IL1RAPL2: variants seen among roughly 807,000 people sequenced by gnomAD.
IL1RAPL2 encodes X-linked interleukin-1 receptor accessory protein-like 2.
A neutral mutation model predicts 44.1 loss-of-function variants in IL1RAPL2; 3 were observed. The observed-to-expected ratio is 0.07, with a 90% CI of 0.03 to 0.18. IL1RAPL2 has a LOEUF of 0.18. Among genes scored for constraint, IL1RAPL2 ranks in the 10% least tolerant of loss-of-function variants. The probability of loss-of-function intolerance (pLI) is 1.00; values close to 1 mark genes in which losing one functional copy is unlikely to be tolerated. For synonymous variants in IL1RAPL2, 181 were observed against 178.8 expected, an observed-to-expected ratio of 1.01 and a Z score of -0.10; for missense variants, 391 against 496.4, an observed-to-expected ratio of 0.79 and a Z score of 2.02.
At chrX:105,719,019 C>CTGCT (rs2038280282) in intron 7 of IL1RAPL2, among the ~76,000 whole-genome samples, 1 of 111,347 alleles carries the variant, frequency 9.0e-6, no homozygotes, top group Admixed American at 9.6e-5. Flanking sequence ...ACCTCATATA[C>CTGCT]TGCTGGTAGG....
chrX:105,139,660 C>G (rs1021365844), intron 2 of IL1RAPL2, among the ~76,000 whole-genome samples: 3 of 111,562 alleles, frequency 2.7e-5, no homozygotes, highest in Non-Finnish European at 3.8e-5. Context: ...AGCTAGCGCT[C>G]ATGTCTCTTT....
At chrX:105,624,112 A>C (rs2037437719) in intron 6 of IL1RAPL2, among the ~76,000 whole-genome samples, 1 of 111,306 alleles carries the variant, frequency 9.0e-6, no homozygotes, top group African/African-American at 3.3e-5. Context: ...AGAGAAGAAG[A>C]ACTTTACCTG....
At chrX:104,686,241 C>T (rs962617972) in intron 2 of IL1RAPL2, among the ~76,000 whole-genome samples, 12 of 111,503 alleles carry the variant, frequency 1.1e-4, no homozygotes, top group African/African-American at 3.9e-4. Context: ...CCATAACTAG[C>T]AGTCATCTGT....
chrX:104,648,705 C>A (rs1643425544), intron 1 of IL1RAPL2, among the ~76,000 whole-genome samples: 2 of 111,118 alleles, frequency 1.8e-5, no homozygotes, highest in Non-Finnish European at 3.8e-5. Context: ...AAGACTAGTC[C>A]CTGTAACACA....
At chrX:105,051,170 C>A (rs1333523087) in intron 2 of IL1RAPL2, among the ~76,000 whole-genome samples, 1 of 91,011 alleles carries the variant, frequency 1.1e-5, no homozygotes, top group Non-Finnish European at 2.2e-5. Context: ...AGGAATCTGT[C>A]TGCCTCCTGC....
intron 4 of IL1RAPL2, among the ~76,000 whole-genome samples, chrX:105,238,183 G>A (rs1472421148): frequency 8.9e-6 from 1 of 112,091 alleles, no homozygotes; most frequent in African/African-American, 3.2e-5. Context: ...CAAACAGTTG[G>A]CCACATTTGA....
At chrX:104,912,776 TAAAACA>T (rs989568405) in intron 2 of IL1RAPL2, among the ~76,000 whole-genome samples, 15 of 111,364 alleles carry the variant, frequency 1.3e-4, no homozygotes, top group Non-Finnish European at 2.5e-4. Context: ...ACTTTTACAA[TAAAACA>T]AAAACAAAAC....
At chrX:104,718,867 C>G (rs751999569) in intron 2 of IL1RAPL2, among the ~76,000 whole-genome samples, 1 of 111,639 alleles carries the variant, frequency 9.0e-6, no homozygotes, top group African/African-American at 3.2e-5. Context: ...GTTTTGTAGG[C>G]CATACAGTCT....
intron 2 of IL1RAPL2, among the ~76,000 whole-genome samples, chrX:104,983,578 CATAAT>C (rs1448328417): frequency 4.4e-4 from 29 of 66,215 alleles, no homozygotes; most frequent in African/African-American, 1.2e-3. Flanking sequence ...ATATTATAGA[CATAAT>C]ATATAATATA....
intron 2 of IL1RAPL2, among the ~76,000 whole-genome samples, chrX:104,987,132 A>G (rs1030770242): frequency 1.4e-4 from 16 of 111,728 alleles, no homozygotes; most frequent in African/African-American, 4.9e-4. Context: ...AATACATTCC[A>G]TTTTGCAGTG....
chrX:104,620,969 AATAAT>A (rs72191499), intron 1 of IL1RAPL2, among the ~76,000 whole-genome samples: 13,951 of 103,801 alleles, frequency 0.13, 2,428 homozygotes, highest in African/African-American at 0.48. Context: ...TAATTTATAT[AATAAT>A]ATAATATAAT....
At position 105,223,533 on chromosome X, in the gene IL1RAPL2, A is replaced by T. The variant is rs368435458; in HGVS notation, c.357-10285A>T. Among the ~76,000 whole-genome samples, 9 of 112,173 alleles carry T rather than the reference A, an allele frequency of 8.0e-5. No individual in the cohort carries two copies. The East Asian group carries it at 2.5e-3, about 31-fold the overall frequency. ...TCAGTTTGTGATTAGTTGTCTCTTT[A>T]TACTGCCATTCTCCCACTTCCGCTT... On this transcript the variant is annotated intron_variant, in intron 3 of 10. Transcript: ENST00000372582.
chrX:105,390,692 A>T (rs1011802027), intron 5 of IL1RAPL2, among the ~76,000 whole-genome samples: 1 of 110,781 alleles, frequency 9.0e-6, no homozygotes, highest in Non-Finnish European at 1.9e-5. Flanking sequence ...TAATGTATTA[A>T]TAATAGCCAT....
At chrX:105,174,266 G>A (rs1052103594) in intron 2 of IL1RAPL2, among the ~76,000 whole-genome samples, 5 of 111,224 alleles carry the variant, frequency 4.5e-5, no homozygotes, top group South Asian at 3.8e-4. Flanking sequence ...GCTTCCCCAC[G>A]GATGAAGACT....
chrX:105,747,243 C>T (rs887050337), intron 8 of IL1RAPL2, among the ~76,000 whole-genome samples: 33 of 109,077 alleles, frequency 3.0e-4, no homozygotes, highest in African/African-American at 9.7e-4. Flanking sequence ...CCACCTCCTG[C>T]AGCAGGCATG....
At chrX:105,656,365 C>T (rs183491315) in intron 6 of IL1RAPL2, among the ~76,000 whole-genome samples, 2 of 111,934 alleles carry the variant, frequency 1.8e-5, no homozygotes, top group African/African-American at 6.5e-5. Context: ...GGAGTAGATA[C>T]ATGAAAGGAA....
chrX:104,902,107 G>T (rs926167088), intron 2 of IL1RAPL2, among the ~76,000 whole-genome samples: 2 of 111,399 alleles, frequency 1.8e-5, no homozygotes, highest in Non-Finnish European at 3.8e-5. Context: ...TTTACACTTG[G>T]GCGTTTCTAT....
intron 7 of IL1RAPL2, among the ~76,000 whole-genome samples, chrX:105,725,112 G>A (rs190511778): frequency 3.7e-4 from 41 of 111,455 alleles, no homozygotes; most frequent in Admixed American, 5.7e-4. Flanking sequence ...ACAGGGTTAC[G>A]CATTGCATCT....
intron 2 of IL1RAPL2, among the ~76,000 whole-genome samples, chrX:104,800,090 T>C (rs1569316831): frequency 9.0e-6 from 1 of 110,918 alleles, no homozygotes; most frequent in East Asian, 2.8e-4. Flanking sequence ...TTATGTGCTA[T>C]TTAACTTGAT....
Sources: gnomAD v4.1 joint callset for allele counts (sites outside exome capture counted in the v4.1 genomes callset) on GRCh38, gnomAD v4.1.1 for gene constraint, MANE v1.5 for transcripts, NCBI Gene and HGNC (gene_info 2026-07-23, HGNC 2026-07-21) for gene names.